Variants in FOXP2 observed in about 807,000 individuals in gnomAD.
FOXP2 encodes the protein forkhead box P2.
In FOXP2, 12 loss-of-function variants were observed where a neutral mutation model predicts 115.8. The ratio of observed to expected loss-of-function variants is 0.10; its 90% confidence interval spans 0.07 to 0.17. The LOEUF (loss-of-function observed/expected upper bound fraction) is 0.17. FOXP2 is among the 10% of genes least tolerant of loss of function. FOXP2 has a pLI of 1.00. For missense variants in FOXP2, 629 were observed against 843.5 expected, an observed-to-expected ratio of 0.75 and a Z score of 3.15; for synonymous variants, 328 against 297.7, an observed-to-expected ratio of 1.10 and a Z score of -1.05.
intron 2 of FOXP2, among the ~76,000 whole-genome samples, chr7:114,312,237 A>G (rs1430776530): frequency 1.3e-5 from 2 of 152,098 alleles, no homozygotes; most frequent in Non-Finnish European, 2.9e-5. Flanking sequence ...CCTTTTGCCT[A>G]TGGTTGCTGG....
chr7:114,307,809 G>C (rs1011939246), intron 2 of FOXP2, among the ~76,000 whole-genome samples: 1 of 152,186 alleles, frequency 6.6e-6, no homozygotes. Flanking sequence ...AGTTGCCAAA[G>C]ATGGCATCAG....
chr7:114,233,882 G>A (rs150293341), intron 1 of FOXP2, among the ~76,000 whole-genome samples: 152 of 152,206 alleles, frequency 1.0e-3, no homozygotes, highest in African/African-American at 3.4e-3. Context: ...GAATGGTGGT[G>A]CACACCTGTA....
chr7:114,678,116 C>A (rs999963289), intron 16 of FOXP2, among the ~76,000 whole-genome samples: 1 of 152,198 alleles, frequency 6.6e-6, no homozygotes, highest in Middle Eastern at 3.4e-3. Flanking sequence ...TTAGGCTTAA[C>A]GTGAAGTCAA....
At chr7:114,542,349 T>A (rs1236119005) in intron 3 of FOXP2, among the ~76,000 whole-genome samples, 3 of 152,168 alleles carry the variant, frequency 2.0e-5, no homozygotes, top group African/African-American at 7.2e-5. Context: ...CCGTGCCCAT[T>A]CTTACAATCC....
chr7:114,591,718 T>C (rs1207601644), intron 3 of FOXP2, among the ~76,000 whole-genome samples: 2 of 152,066 alleles, frequency 1.3e-5, no homozygotes, highest in East Asian at 1.9e-4. Flanking sequence ...ACCATAACCA[T>C]AGAAGCTATG....
At chr7:114,145,553 T>C (rs1792348791) in intron 1 of FOXP2, among the ~76,000 whole-genome samples, 1 of 150,440 alleles carries the variant, frequency 6.6e-6, no homozygotes, top group Admixed American at 6.7e-5. Context: ...CAGGGTGTGA[T>C]CTCGGCTCAC....
chr7:114,506,829 C>T (rs796783547), intron 2 of FOXP2, among the ~76,000 whole-genome samples: 36 of 151,794 alleles, frequency 2.4e-4, no homozygotes, highest in African/African-American at 8.7e-4. Flanking sequence ...AGGGCTTCCT[C>T]AGTGAGTGAT....
At chr7:114,540,456 GA>G (rs994929887) in intron 3 of FOXP2, among the ~76,000 whole-genome samples, 32 of 151,360 alleles carry the variant, frequency 2.1e-4, no homozygotes, top group African/African-American at 6.5e-4. Flanking sequence ...TTTGGAGGAG[GA>G]AAAAAAACAT....
At chr7:114,445,709 A>G (rs1404775932) in intron 2 of FOXP2, among the ~76,000 whole-genome samples, 2 of 152,132 alleles carry the variant, frequency 1.3e-5, no homozygotes, top group Admixed American at 1.3e-4. Context: ...ACAGTTTCTA[A>G]TTTAAGCTTT....
At chr7:114,212,402 G>A (rs892220568) in intron 1 of FOXP2, among the ~76,000 whole-genome samples, 2 of 151,786 alleles carry the variant, frequency 1.3e-5, no homozygotes, top group African/African-American at 4.8e-5. Context: ...TCTTTAATTT[G>A]CAAACAAAAT....
rs186604724 is a variant in FOXP2, at chr7:114,251,677, A to C, written c.-101-36342A>C. 5.2e-3 allele frequency among the ~76,000 whole-genome samples: 785 copies of C among 152,336 alleles called. 2 individuals carry two copies. The highest frequency in any genetic ancestry group is 0.01 in the Middle Eastern group (3 of 294). On this transcript the variant is annotated intron_variant, in intron 1 of 17. Transcript: ENST00000634411. ...TTTGCTGAAGTTGCTTATCAGCTTA[A>C]GGAGATTTTGAGCTGTAACAATGGG...
chr7:114,181,275 TTA>T (rs1793447086), intron 1 of FOXP2, among the ~76,000 whole-genome samples: 1 of 74,668 alleles, frequency 1.3e-5, no homozygotes, highest in African/African-American at 2.7e-5. Flanking sequence ...TCCTAATAAA[TTA>T]ATATATATAT....
chr7:114,658,872 C>T (rs890760945), intron 11 of FOXP2, among the ~76,000 whole-genome samples: 17 of 152,178 alleles, frequency 1.1e-4, no homozygotes, highest in Non-Finnish European at 2.5e-4. Flanking sequence ...CACAGTCACA[C>T]ATTGTAACCA....
At chr7:114,479,884 CAT>C (rs1443051118) in intron 2 of FOXP2, among the ~76,000 whole-genome samples, 4 of 151,392 alleles carry the variant, frequency 2.6e-5, no homozygotes, top group Non-Finnish European at 5.9e-5. Flanking sequence ...TCACACTAGA[CAT>C]AGTGCTTATT....
chr7:114,461,268 C>T lies in FOXP2; in HGVS notation c.168+34589C>T, dbSNP rs73434184. Among the ~76,000 whole-genome samples, 1,067 of 152,170 alleles carry T rather than the reference C, an allele frequency of 7.0e-3. 11 individuals are homozygous for T. The highest frequency in any genetic ancestry group is 0.024 in the African/African-American group (1,014 of 41,514). ...AGTTTGGCTTCTCTGTTTCATTGTA[C>T]ATTTATATTTAGCTTCTGATAATAA... On this transcript the variant is annotated intron_variant, in intron 2 of 16. Coordinates refer to ENST00000350908, the MANE Select transcript of FOXP2 (RefSeq NM_014491.4).
rs544938633 is a variant in FOXP2 at position 114,677,695 on chromosome 7, C to A, written c.2004-12087C>A. 1.0e-3 allele frequency among the ~76,000 whole-genome samples: 152 copies of A among 152,284 alleles called. 1 individual carries two copies. The highest frequency in any genetic ancestry group is 7.6e-4 in the Non-Finnish European group (52 of 68,014). On this transcript the variant is annotated intron_variant, in intron 16 of 16. Coordinates refer to ENST00000350908, the MANE Select transcript of FOXP2 (RefSeq NM_014491.4). The stretch of plus-strand genomic sequence containing the variant: ...AAAAGCAACACATATCTTTAGGCAA[C>A]AAATTTGTTTATCAGTGTATCAGTG...
At chr7:114,608,069 A>T (rs28583002) in intron 3 of FOXP2, among the ~76,000 whole-genome samples, 4 of 152,150 alleles carry the variant, frequency 2.6e-5, no homozygotes, top group African/African-American at 9.7e-5. Context: ...GGCTTGGGCC[A>T]TATCTACACA....
At chr7:114,651,711 A>G (rs1806263904) in intron 8 of FOXP2, among the ~76,000 whole-genome samples, 1 of 152,102 alleles carries the variant, frequency 6.6e-6, no homozygotes, top group Non-Finnish European at 1.5e-5. Flanking sequence ...CTTCATAAAT[A>G]TTGATTTTCC....
chr7:114,410,076 C>A (rs530893678), upstream of FOXP2, among the ~76,000 whole-genome samples: 3 of 152,242 alleles, frequency 2.0e-5, no homozygotes, highest in Admixed American at 2.0e-4. Flanking sequence ...ATTTGGGGGG[C>A]AGTTCCAATA....
Sources: gnomAD v4.1 joint callset for allele counts (sites outside exome capture counted in the v4.1 genomes callset) on GRCh38, gnomAD v4.1.1 for gene constraint, MANE v1.5 for transcripts, NCBI Gene and HGNC (gene_info 2026-07-23, HGNC 2026-07-21) for gene names.